Variants in RERG observed in about 807,000 individuals in gnomAD.
RERG encodes RAS like estrogen regulated growth inhibitor.
Under a neutral mutation model 23.2 loss-of-function variants are expected in RERG, and 25 were observed. The ratio of observed to expected loss-of-function variants is 1.08; its 90% CI spans 0.79 to 1.50. The LOEUF is 1.50. Ranked by LOEUF, RERG falls within the 40% of genes most tolerant of loss-of-function variation. The pLI, the probability that RERG is intolerant of heterozygous loss-of-function variation, is 0.00. For synonymous variants in RERG, 81 were observed against 89.1 expected (o/e 0.91, Z 0.51); for missense variants, 253 against 250.1 (o/e 1.01, Z -0.08).
intron 2 of RERG, among the ~76,000 whole-genome samples, chr12:15,184,150 G>A (rs1178690566): frequency 2.2e-5 from 3 of 133,988 alleles, no homozygotes; most frequent in African/African-American, 8.3e-5. Flanking sequence ...CCATATCCTC[G>A]TCTACACCAC....
chr12:15,185,050 A>G (rs1333446922), intron 2 of RERG, among the ~76,000 whole-genome samples: 1 of 152,196 alleles, frequency 6.6e-6, no homozygotes, highest in Non-Finnish European at 1.5e-5. Context: ...ATTCCTATGC[A>G]GGCAAGATCT....
intron 2 of RERG, among the ~76,000 whole-genome samples, chr12:15,161,138 A>AAAAGAAAGAAG (rs1864598846): frequency 4.8e-5 from 2 of 41,580 alleles, no homozygotes. Flanking sequence ...CCATCTCAGA[A>AAAAGAAAGAAG]AAAGAAAGAA....
intron 2 of RERG, among the ~76,000 whole-genome samples, chr12:15,169,904 A>ACGTCATCTG (rs1343007912): frequency 6.7e-6 from 1 of 149,234 alleles, no homozygotes; most frequent in Non-Finnish European, 1.5e-5. Flanking sequence ...AGAAGGACAC[A>ACGTCATCTG]CGTCATCTGC....
chr12:15,126,149 ATATG>A lies in RERG; in HGVS notation c.62-5034_62-5031del, dbSNP rs550384573. On this transcript the variant is annotated intron_variant, in intron 2 of 4. Transcript: ENST00000256953. ...ATACCATATATATATATATATATAT[ATATG>A]TATTTACACACATACATTTTTACAT... 7.4e-3 allele frequency among the ~76,000 whole-genome samples: 1,053 copies of A among 141,798 alleles called. 54 individuals are homozygous for A. The highest frequency in any genetic ancestry group is 0.018 in the Middle Eastern group (5 of 272). The allele number at this position is 141,798 out of a possible 152,430, so 93.0% of individuals were successfully genotyped here. A position where few individuals can be genotyped will look rare whatever the true frequency, so the allele number is the denominator to read the frequency against.
At position 15,164,599 on chromosome 12, in the gene RERG, A is replaced by G. The variant is rs150203012; in HGVS notation, c.62-43480T>C. The stretch of plus-strand genomic sequence containing the variant: ...CCCACCCATTGGACCGCCTTGATAT[A>G]GTCAACAGCAGAATTTTCTATTAGT... On this transcript the variant is annotated intron_variant, in intron 2 of 4. Transcript: ENST00000256953. Among the ~76,000 whole-genome samples, 371 of 152,306 alleles carry G rather than the reference A, an allele frequency of 2.4e-3. 1 individual carries two copies. The highest frequency in any genetic ancestry group is 8.3e-3 in the African/African-American group (347 of 41,570).
chr12:15,195,292 C>A (rs1865127429), intron 2 of RERG, among the ~76,000 whole-genome samples: 1 of 152,096 alleles, frequency 6.6e-6, no homozygotes, highest in East Asian at 1.9e-4. Context: ...GAATGACATA[C>A]AAACCCTATA....
At chr12:15,173,885 CATG>C (rs767331288) in intron 2 of RERG, among the ~76,000 whole-genome samples, 12 of 151,902 alleles carry the variant, frequency 7.9e-5, no homozygotes, top group Non-Finnish European at 1.2e-4. Flanking sequence ...TTTCTATATA[CATG>C]ATGATGTTGT....
At chr12:15,183,903 G>T (rs891101042) in intron 2 of RERG, among the ~76,000 whole-genome samples, 1 of 152,174 alleles carries the variant, frequency 6.6e-6, no homozygotes, top group African/African-American at 2.4e-5. Flanking sequence ...CTTCCATAAA[G>T]AGTAGAATGA....
intron 2 of RERG, among the ~76,000 whole-genome samples, chr12:15,157,597 TACAA>T (rs1284324584): frequency 6.6e-6 from 1 of 152,178 alleles, no homozygotes; most frequent in Non-Finnish European, 1.5e-5. Context: ...ACATTATACT[TACAA>T]ACAAATAAAA....
chr12:15,180,976 T>A (rs1184796713), intron 2 of RERG, among the ~76,000 whole-genome samples: 1 of 152,210 alleles, frequency 6.6e-6, no homozygotes, highest in Non-Finnish European at 1.5e-5. Flanking sequence ...TAGCAGCAAT[T>A]CTATTGCATC....
chr12:15,167,300 T>C (rs759868278), intron 2 of RERG, among the ~76,000 whole-genome samples: 1 of 152,168 alleles, frequency 6.6e-6, no homozygotes, highest in Non-Finnish European at 1.5e-5. Context: ...GTAGTGAATT[T>C]AAAGGGGATT....
At chr12:15,142,516 T>C (rs931134104) in intron 2 of RERG, among the ~76,000 whole-genome samples, 1 of 152,228 alleles carries the variant, frequency 6.6e-6, no homozygotes, top group South Asian at 2.1e-4. Flanking sequence ...TTGTTTTGCT[T>C]ATTTATTATA....
At chr12:15,216,998 A>T (rs1182644442) in intron 2 of RERG, 2 of 153,908 alleles carry the variant, frequency 1.3e-5, no homozygotes, top group African/African-American at 4.8e-5. Flanking sequence ...ATAAAGCTAG[A>T]TTCACTTAAG....
At chr12:15,177,606 G>A (rs182941871) in intron 2 of RERG, among the ~76,000 whole-genome samples, 306 of 152,294 alleles carry the variant, frequency 2.0e-3, no homozygotes, top group Non-Finnish European at 3.4e-3. Flanking sequence ...ATTTGAGCAT[G>A]AAAAGCAGCA....
At chr12:15,143,438 T>C (rs1384653493) in intron 2 of RERG, among the ~76,000 whole-genome samples, 1 of 148,832 alleles carries the variant, frequency 6.7e-6, no homozygotes, top group Non-Finnish European at 1.5e-5. Flanking sequence ...TACATACATA[T>C]TATTTTCTGT....
intron 2 of RERG, among the ~76,000 whole-genome samples, chr12:15,196,304 A>C (rs909563318): frequency 2.0e-5 from 3 of 152,160 alleles, no homozygotes; most frequent in Non-Finnish European, 4.4e-5. Flanking sequence ...AAATCATTTC[A>C]CTTTACCATC....
At chr12:15,111,082 T>C (rs1863604678) in intron 4 of RERG, 2 of 290,684 alleles carry the variant, frequency 6.9e-6, no homozygotes, top group Non-Finnish European at 1.3e-5. Flanking sequence ...TGCCACAAAA[T>C]ATAGGTGAGA....
intron 3 of RERG, among the ~76,000 whole-genome samples, chr12:15,117,741 T>A (rs1003617384): frequency 1.3e-5 from 2 of 152,034 alleles, no homozygotes; most frequent in Non-Finnish European, 2.9e-5. Context: ...CCTCTATCTA[T>A]ATTCTCTGTG....
intron 3 of RERG, among the ~76,000 whole-genome samples, chr12:15,118,648 G>A (rs1212494817): frequency 6.6e-6 from 1 of 152,072 alleles, no homozygotes; most frequent in Non-Finnish European, 1.5e-5. Context: ...TTCCTTCGTG[G>A]TGCTGTCATC....
Sources: allele counts gnomAD v4.1 joint callset (sites outside exome capture counted in the v4.1 genomes callset), GRCh38; gene constraint gnomAD v4.1.1; transcripts MANE v1.5; gene names NCBI Gene and HGNC (gene_info 2026-07-23, HGNC 2026-07-21).